Variants in ADAMTSL3 observed in about 807,000 individuals in gnomAD.
ADAMTSL3 encodes ADAMTS-like protein 3.
In ADAMTSL3, 128 loss-of-function variants were observed where a neutral mutation model predicts 201.7. The observed-to-expected ratio is 0.63, with a 90% CI of 0.55 to 0.73. The LOEUF (loss-of-function observed/expected upper bound fraction) is 0.73, where lower values mean the gene tolerates loss of function less well. Among genes scored for constraint, ADAMTSL3 ranks in the 30% least tolerant of loss-of-function variants. ADAMTSL3 has a pLI of 0.00. For synonymous variants in ADAMTSL3, 738 were observed against 748.4 expected (o/e 0.99, Z 0.23); for missense variants, 1,990 against 2,119.6 (o/e 0.94, Z 1.20).
chr15:83,847,411 G>T (rs1277940571), intron 7 of ADAMTSL3, among the ~76,000 whole-genome samples: 1 of 151,710 alleles, frequency 6.6e-6, no homozygotes, highest in African/African-American at 2.4e-5. Flanking sequence ...CCTACAGAAT[G>T]ACAGATGAGC....
At chr15:83,912,186 T>G (rs1596394974) in intron 15 of ADAMTSL3, among the ~76,000 whole-genome samples, 1 of 152,320 alleles carries the variant, frequency 6.6e-6, no homozygotes, top group Non-Finnish European at 1.5e-5. Context: ...AAGGACCAGA[T>G]AGTAAATGTT....
chr15:83,804,738 CTTGTT>C, intron 5 of ADAMTSL3, 43 bp downstream of exon 5: 2 of 1,455,170 alleles, frequency 1.4e-6, no homozygotes, highest in East Asian at 2.4e-5. Context: ...ACAATATGTG[CTTGTT>C]TTAAGTTACA....
In ADAMTSL3 at chr15:83,982,549, C is replaced by T. The variant is rs777540083; in HGVS notation, c.2921C>T (p.Ala974Val). 5.6e-6 allele frequency: 9 copies of T among 1,613,746 alleles called. No individual in the cohort carries two copies. In the Admixed American group the frequency reaches 1.0e-4, roughly 18 times the overall value. ...TCACTAAAAATCCATGGTCTTGCTG[C>T]CCCCGACATCGGCGTGTACCGGTGC... ...SGSLKIHGLAAPDIGVYRCIA... is the reference protein window; with the variant it reads ...SGSLKIHGLAVPDIGVYRCIA... Residue 974 changes from alanine to valine, a missense_variant, in exon 21 of 30, where the codon GCC (alanine) becomes GTC (valine). Coordinates refer to ENST00000286744, the MANE Select transcript of ADAMTSL3 (RefSeq NM_207517.3).
At chr15:83,912,982 C>G in intron 15 of ADAMTSL3, 110 bp from the exon 16 acceptor site, 1 of 1,158,750 alleles carries the variant, frequency 8.6e-7, no homozygotes. Flanking sequence ...GGAATTCCAC[C>G]GAGTGAAGCT....
At chr15:83,986,565 T>A (rs1472271553) in intron 21 of ADAMTSL3, among the ~76,000 whole-genome samples, 1 of 152,238 alleles carries the variant, frequency 6.6e-6, no homozygotes. Context: ...TTTCTATTTT[T>A]CCTCCAAAAC....
chr15:83,823,889 CT>C, intron 6 of ADAMTSL3, among the ~76,000 whole-genome samples: 1 of 94,868 alleles, frequency 1.1e-5, no homozygotes, highest in African/African-American at 5.5e-5. Flanking sequence ...CCTTCTTCTT[CT>C]TCCTCTTCTT....
rs529503106 is a variant in ADAMTSL3 at position 83,885,419 on chromosome 15, G to A, written c.1072+207G>A. 1.6e-4 allele frequency among the ~76,000 whole-genome samples: 24 copies of A among 149,134 alleles called. No individual in the cohort carries two copies. The Middle Eastern group carries it at 0.017, about 107-fold the overall frequency. ...GAAGACAGGTGCAAAACTGGATTTG[G>A]AAAATACCTTTTACTTTTAGCCAAA... On this transcript the variant is annotated intron_variant, in intron 10 of 29. Coordinates refer to ENST00000286744, the MANE Select transcript of ADAMTSL3 (RefSeq NM_207517.3).
intron 2 of ADAMTSL3, among the ~76,000 whole-genome samples, chr15:83,688,616 G>A (rs2061568101): frequency 6.6e-6 from 1 of 151,324 alleles, no homozygotes; most frequent in South Asian, 2.1e-4. Context: ...AATTGTTTTA[G>A]GTGCATTGAG....
chr15:83,726,382 T>G (rs2062175693), intron 3 of ADAMTSL3, among the ~76,000 whole-genome samples: 1 of 152,134 alleles, frequency 6.6e-6, no homozygotes, highest in Admixed American at 6.6e-5. Context: ...TGGATGCCGT[T>G]TATTTATTTC....
At chr15:83,791,676 G>C (rs983083190) in intron 4 of ADAMTSL3, among the ~76,000 whole-genome samples, 1 of 152,038 alleles carries the variant, frequency 6.6e-6, no homozygotes, top group African/African-American at 2.4e-5. Flanking sequence ...GGCTAACATG[G>C]TGAAACCCCA....
intron 6 of ADAMTSL3, among the ~76,000 whole-genome samples, chr15:83,827,572 A>T (rs900025652): frequency 6.6e-6 from 1 of 152,220 alleles, no homozygotes; most frequent in South Asian, 2.1e-4. Context: ...TGTTTTGGAC[A>T]TGAAGTCCTT....
chr15:83,930,620 A>G (rs1431480356), intron 17 of ADAMTSL3, among the ~76,000 whole-genome samples: 1 of 152,216 alleles, frequency 6.6e-6, no homozygotes, highest in Non-Finnish European at 1.5e-5. Context: ...CAAGCTAGGA[A>G]TAATAGAGCA....
intron 3 of ADAMTSL3, among the ~76,000 whole-genome samples, chr15:83,719,466 T>C (rs1227469719): frequency 6.6e-6 from 1 of 152,144 alleles, no homozygotes; most frequent in Non-Finnish European, 1.5e-5. Context: ...CTTTATGACA[T>C]TTATAAGAAA....
intron 4 of ADAMTSL3, among the ~76,000 whole-genome samples, chr15:83,790,642 T>G (rs2063330067): frequency 6.6e-6 from 1 of 152,090 alleles, no homozygotes; most frequent in South Asian, 2.1e-4. Flanking sequence ...CTGAACACTT[T>G]CCCCCTAAGG....
At position 83,913,252 on chromosome 15, in the gene ADAMTSL3, C is replaced by G. The variant is rs770387381; in HGVS notation, c.1861C>G (p.Leu621Val). The G allele has an allele frequency of 3.7e-6, 6 of 1,614,002 alleles. No individual in the cohort carries two copies. The Admixed American group carries it at 5.0e-5, about 13-fold the overall frequency. ...CAAGCTGCCCACCGAACGGCCCTGC[C>G]TCCTGGAAGCATGTGATGAGAGCCC... ...GPKLPTERPCLLEACDESPAS... is the reference protein window; with the variant it reads ...GPKLPTERPCVLEACDESPAS... The change falls in exon 16 of 30, where the codon CTC becomes GTC. Residue 621 changes from leucine (L) to valine (V), a missense_variant. Transcript: ENST00000286744.
chr15:84,015,491 A>G (rs2068074676), intron 24 of ADAMTSL3, among the ~76,000 whole-genome samples: 1 of 152,178 alleles, frequency 6.6e-6, no homozygotes, highest in African/African-American at 2.4e-5. Context: ...GATACTTATG[A>G]TAGCACAGTG....
intron 3 of ADAMTSL3, among the ~76,000 whole-genome samples, chr15:83,726,854 T>G (rs989149997): frequency 6.6e-6 from 1 of 151,870 alleles, no homozygotes; most frequent in African/African-American, 2.4e-5. Context: ...TGTAGTTTTC[T>G]TTTTTCTTTT....
intron 2 of ADAMTSL3, among the ~76,000 whole-genome samples, chr15:83,664,082 C>T (rs550734551): frequency 6.6e-6 from 1 of 152,230 alleles, no homozygotes; most frequent in African/African-American, 2.4e-5. Flanking sequence ...AGGTGGAGAC[C>T]CAGGTCTCAT....
At chr15:83,968,183 G>T (rs1722431437) in intron 19 of ADAMTSL3, among the ~76,000 whole-genome samples, 1 of 152,172 alleles carries the variant, frequency 6.6e-6, no homozygotes, top group Non-Finnish European at 1.5e-5. Context: ...ATTGACAAAT[G>T]GGATCTAATT....
Sources: allele counts gnomAD v4.1 joint callset (sites outside exome capture counted in the v4.1 genomes callset), GRCh38; gene constraint gnomAD v4.1.1; transcripts MANE v1.5; gene names NCBI Gene and HGNC (gene_info 2026-07-23, HGNC 2026-07-21).